Variants in TCF12 observed in about 807,000 individuals in gnomAD.
TCF12 encodes the protein DNA-binding protein HTF4.
A neutral mutation model predicts 86.0 loss-of-function variants in TCF12; 45 were observed. The ratio of observed to expected loss-of-function variants is 0.52; its 90% CI spans 0.41 to 0.67. The LOEUF is 0.67. TCF12 is among the 30% of genes least tolerant of loss of function. The pLI is 0.00. For synonymous variants in TCF12, 330 were observed against 299.6 expected, an observed-to-expected ratio of 1.10 and a Z score of -1.05; for missense variants, 881 against 859.9, an observed-to-expected ratio of 1.02 and a Z score of -0.31.
intron 3 of TCF12, among the ~76,000 whole-genome samples, chr15:57,058,808 A>G (rs1247257461): frequency 2.0e-5 from 3 of 152,188 alleles, no homozygotes; most frequent in South Asian, 4.1e-4. Flanking sequence ...CTATTTCACA[A>G]TGAATGTCTG....
intron 16 of TCF12, 94 bp from the exon 17 acceptor site, chr15:57,262,000 G>C: frequency 1.3e-6 from 1 of 751,882 alleles, no homozygotes; most frequent in South Asian, 2.3e-5. Flanking sequence ...GAGTGACACT[G>C]TTTTCTCTAT....
rs192221067 is a variant in TCF12 at position 57,137,810 on chromosome 15, C to T, written c.326-28592C>T. The stretch of plus-strand genomic sequence containing the variant: ...TTGAGAGGCCAAGGCTGGCGGATCA[C>T]GAGATCAGGAGTTCGAAACCAGCCT... On this transcript the variant is annotated intron_variant, in intron 5 of 20. Transcript: ENST00000333725. 4.1e-3 allele frequency among the ~76,000 whole-genome samples: 621 copies of T among 152,220 alleles called. 7 individuals are homozygous for T. The highest frequency in any genetic ancestry group is 0.014 in the African/African-American group (587 of 41,514).
At chr15:57,021,666 A>T (rs747190297) in intron 3 of TCF12, among the ~76,000 whole-genome samples, 1 of 152,216 alleles carries the variant, frequency 6.6e-6, no homozygotes, top group Non-Finnish European at 1.5e-5. Flanking sequence ...GAAACCTAAC[A>T]GATAGGAGTT....
intron 3 of TCF12, among the ~76,000 whole-genome samples, chr15:56,981,264 C>T (rs1206494558): frequency 2.6e-5 from 4 of 152,168 alleles, no homozygotes; most frequent in Non-Finnish European, 1.5e-5. Flanking sequence ...ACAGTTCTGG[C>T]GGCTGCCAAG....
chr15:57,177,537 T>G (rs1597089255), intron 6 of TCF12, among the ~76,000 whole-genome samples: 1 of 150,406 alleles, frequency 6.6e-6, no homozygotes, highest in East Asian at 2.0e-4. Flanking sequence ...TCTCAAAGTG[T>G]TGGGATTACA....
At chr15:57,277,140 A>G (rs1234991394) in intron 19 of TCF12, among the ~76,000 whole-genome samples, 1 of 152,070 alleles carries the variant, frequency 6.6e-6, no homozygotes, top group African/African-American at 2.4e-5. Flanking sequence ...TTGCCAGACA[A>G]TTAATCAAAA....
intron 6 of TCF12, among the ~76,000 whole-genome samples, chr15:57,179,274 C>T (rs2056170260): frequency 6.6e-6 from 1 of 152,104 alleles, no homozygotes; most frequent in African/African-American, 2.4e-5. Context: ...ATCAAGAGGT[C>T]AGGAGTGCAA....
At chr15:56,942,230 C>T (rs2060810035) in intron 3 of TCF12, among the ~76,000 whole-genome samples, 1 of 152,048 alleles carries the variant, frequency 6.6e-6, no homozygotes, top group South Asian at 2.1e-4. Flanking sequence ...TGAATGGAGG[C>T]TTTGTATTTT....
intron 3 of TCF12, among the ~76,000 whole-genome samples, chr15:56,930,085 G>T (rs186360326): frequency 2.6e-5 from 4 of 152,308 alleles, no homozygotes; most frequent in Middle Eastern, 3.4e-3. Flanking sequence ...AGTGAACACA[G>T]GTTGGACTTA....
chr15:57,015,539 C>G (rs574528495), intron 3 of TCF12, among the ~76,000 whole-genome samples: 3 of 152,120 alleles, frequency 2.0e-5, no homozygotes, highest in African/African-American at 7.2e-5. Context: ...TGTGGACAAA[C>G]AGGAGAGGTT....
Position 56,949,995 on chromosome 15 carries a change from T to G in TCF12, c.148+28897T>G, listed in dbSNP as rs2061191348. 2.6e-5 allele frequency among the ~76,000 whole-genome samples: 4 copies of G among 152,196 alleles called. No individual in the cohort carries two copies. The South Asian group carries it at 8.3e-4, about 31-fold the overall frequency. Reference sequence around the variant, plus strand: ...AGCCATTAGCAATATGTGGTTAAATTTTTAGCAACTATTTAGCATAAGTAG... The same window carrying G: ...AGCCATTAGCAATATGTGGTTAAATGTTTAGCAACTATTTAGCATAAGTAG... On this transcript the variant is annotated intron_variant, in intron 3 of 20. Transcript: ENST00000333725.
chr15:57,117,467 T>A (rs1385580691), intron 5 of TCF12, among the ~76,000 whole-genome samples: 1 of 152,242 alleles, frequency 6.6e-6, no homozygotes, highest in Non-Finnish European at 1.5e-5. Flanking sequence ...TTGCTATAAT[T>A]TTAAGCTCTG....
At position 57,253,482 on chromosome 15, in the gene TCF12, C is replaced by G; in HGVS notation, c.1467+14C>G. ...TCAGCTTCAATGGTAAAATCATGCT[C>G]ATCTTTTTTGTAGTAAACCCTAAAG... On this transcript the variant is annotated intron_variant, in intron 16 of 20. Transcript: ENST00000333725. The G allele has an allele frequency of 6.2e-7, 1 of 1,613,116 alleles. No individual in the cohort carries two copies. Among genetic ancestry groups the G allele is most frequent in the Admixed American group, 1.7e-5 (1 of 59,988 alleles).
intron 3 of TCF12, among the ~76,000 whole-genome samples, chr15:56,980,258 G>C (rs988627998): frequency 1.3e-5 from 2 of 152,152 alleles, no homozygotes; most frequent in African/African-American, 2.4e-5. Flanking sequence ...CAGGCTTCCA[G>C]TTAGCTTGGA....
At chr15:57,216,954 G>A (rs1247350345) in intron 8 of TCF12, among the ~76,000 whole-genome samples, 2 of 152,034 alleles carry the variant, frequency 1.3e-5, no homozygotes, top group Non-Finnish European at 2.9e-5. Flanking sequence ...TGAAGAATGA[G>A]ATTTTAATAT....
chr15:57,098,009 C>CAAAAAAAA (rs72046243), intron 5 of TCF12, among the ~76,000 whole-genome samples: 46 of 48,410 alleles, frequency 9.5e-4, no homozygotes, highest in Non-Finnish European at 1.2e-3. Context: ...TACAAAAATA[C>CAAAAAAAA]AAAAAAAAAA....
chr15:57,277,765 C>T (rs1364458849), intron 19 of TCF12, among the ~76,000 whole-genome samples: 2 of 151,654 alleles, frequency 1.3e-5, no homozygotes, highest in Admixed American at 6.6e-5. Context: ...ACAGTTAGGC[C>T]GCATCTCTAA....
At chr15:57,283,041 A>C (rs1368393274) in intron 20 of TCF12, among the ~76,000 whole-genome samples, 1 of 152,252 alleles carries the variant, frequency 6.6e-6, no homozygotes, top group African/African-American at 2.4e-5. Flanking sequence ...TGAAAAAGTT[A>C]TCACTTGTAT....
chr15:57,219,397 C>G (rs574005048), intron 8 of TCF12: 2 of 1,338,934 alleles, frequency 1.5e-6, no homozygotes, highest in South Asian at 2.3e-5. Flanking sequence ...TGCATAAGTT[C>G]CTTTTGAGTA....
Sources: gnomAD v4.1 joint callset for allele counts (sites outside exome capture counted in the v4.1 genomes callset) on GRCh38, gnomAD v4.1.1 for gene constraint, MANE v1.5 for transcripts, NCBI Gene and HGNC (gene_info 2026-07-23, HGNC 2026-07-21) for gene names.